The following SCN1A variants were observed in gnomAD, a reference collection of about 807,000 sequenced individuals.
SCN1A encodes the protein sodium voltage-gated channel alpha subunit 1.
A neutral mutation model predicts 193.7 loss-of-function variants in SCN1A; 13 were observed. The ratio of observed to expected loss-of-function variants is 0.07; its 90% CI spans 0.04 to 0.11. The LOEUF is 0.11. Ranked by LOEUF, SCN1A falls within the 10% of genes least tolerant of loss-of-function variation. SCN1A has a pLI of 1.00. For missense variants in SCN1A, 1,432 were observed against 2,451.1 expected (o/e 0.58, Z 8.78); for synonymous variants, 781 against 843.6 (o/e 0.93, Z 1.29).
chr2:166,051,289 A>C (rs1292897145), intron 9 of SCN1A, among the ~76,000 whole-genome samples: 2 of 152,078 alleles, frequency 1.3e-5, no homozygotes, highest in Admixed American at 1.3e-4. Context: ...TTCCAGAAAT[A>C]TAAATAATCT....
intron 1 of SCN1A, among the ~76,000 whole-genome samples, chr2:166,142,394 T>C (rs537071583): frequency 6.6e-6 from 1 of 152,328 alleles, no homozygotes; most frequent in East Asian, 1.9e-4. Flanking sequence ...AGTGTCAGTG[T>C]GGGAGGGTTG....
intron 25 of SCN1A, 143 bp downstream of exon 25, chr2:165,999,580 G>A (rs886760893): frequency 1.5e-6 from 1 of 682,718 alleles, no homozygotes; most frequent in Admixed American, 2.1e-5. Context: ...ACATTGCTAT[G>A]CTTGAATATT....
chr2:166,083,474 C>T (rs1411034861), intron 2 of SCN1A, among the ~76,000 whole-genome samples: 1 of 151,828 alleles, frequency 6.6e-6, no homozygotes, highest in Non-Finnish European at 1.5e-5. Flanking sequence ...AATCTACATA[C>T]AATACATAGA....
At chr2:166,029,450 A>G (rs1452181368) in intron 19 of SCN1A, among the ~76,000 whole-genome samples, 1 of 151,902 alleles carries the variant, frequency 6.6e-6, no homozygotes, top group Non-Finnish European at 1.5e-5. Flanking sequence ...TGGAGATAGT[A>G]CTCTTGGGTT....
rs794726778 is a variant in SCN1A, at chr2:166,043,878, G to C, written c.1834C>G (p.Arg612Gly). The change falls in exon 14 of 29, where the codon CGA becomes GGA. Residue 612 changes from arginine (R) to glycine (G), a missense_variant. By Grantham distance (125) the Arg-to-Gly change is moderately radical. Around this residue, in one of 18 missense-constraint regions of SCN1A, gnomAD observed 316 missense variants for 362.1 expected, o/e 0.87. Transcript: ENST00000674923. ...CTGTTGCGTCTCTCTCCGTGTCGTCGGGGCACAAACAAGGAATCTCTACGG... is the reference window on the plus strand; with the variant it reads ...CTGTTGCGTCTCTCTCCGTGTCGTCCGGGCACAAACAAGGAATCTCTACGG... ...ESRRDSLFVPRRHGERRNSNL... is the reference protein window; with the variant it reads ...ESRRDSLFVPGRHGERRNSNL... The C allele has an allele frequency of 6.2e-7, 1 of 1,613,968 alleles. No individual in the cohort carries two copies. Among genetic ancestry groups the C allele is most frequent in the East Asian group, 2.2e-5 (1 of 44,886 alleles).
chr2:166,101,500 AAAGTAT>A (rs1252721729), intron 2 of SCN1A, among the ~76,000 whole-genome samples: 2 of 47,044 alleles, frequency 4.3e-5, no homozygotes, highest in East Asian at 7.3e-4. Context: ...CCTAAAACTT[AAAGTAT>A]AATTAAAAAA....
At chr2:166,031,071 A>G (rs1695491342) in intron 19 of SCN1A, among the ~76,000 whole-genome samples, 1 of 152,140 alleles carries the variant, frequency 6.6e-6, no homozygotes, top group Non-Finnish European at 1.5e-5. Flanking sequence ...TTAAAAAACA[A>G]TTCCTCAAAT....
In SCN1A at chr2:166,047,705, G is replaced by A; in HGVS notation, c.1092C>T (p.Ser364=). 5 of 1,613,632 alleles carry A rather than the reference G, an allele frequency of 3.1e-6. No individual in the cohort carries two copies. The South Asian group carries it at 5.5e-5, about 18-fold the overall frequency. ...AGRNPNYGYT[S]FDTFSWAFLS... ...AAAAAGCCCAACTGAAGGTATCAAA[G>A]CTTGTGTAGCCATAATTGGGATTTC... The change falls in exon 11 of 29, where the codon AGC becomes AGT. Residue 364 remains serine, a synonymous_variant. Coordinates refer to ENST00000674923, the MANE Select transcript of SCN1A (RefSeq NM_001165963.4).
exon 1 of SCN1A, chr2:166,149,117 C>T (rs1339005296): frequency 1.3e-5 from 2 of 152,358 alleles, no homozygotes; most frequent in East Asian, 3.9e-4. Flanking sequence ...TCTGGAGGAA[C>T]AGTTCCATGA....
intron 26 of SCN1A, 137 bp from the exon 27 acceptor site, chr2:165,996,254 A>G: frequency 5.1e-6 from 3 of 587,876 alleles, no homozygotes; most frequent in Non-Finnish European, 9.0e-6. Context: ...GGGATTTAAA[A>G]TGTAAAAAAA....
Position 166,118,643 on chromosome 2 carries a change from A to G in SCN1A, c.-142+8281T>C, listed in dbSNP as rs117239412. Among the ~76,000 whole-genome samples, 73 of 152,184 alleles carry G rather than the reference A, an allele frequency of 4.8e-4. 2 individuals are homozygous for G. In the East Asian group the frequency reaches 0.012, roughly 25 times the overall value. Reference sequence around the variant, plus strand: ...GCCCAAAATACTACTGGCCTTTTTAAGTGGCATATCACATTCCAGGGTAAT... The same window carrying G: ...GCCCAAAATACTACTGGCCTTTTTAGGTGGCATATCACATTCCAGGGTAAT... On this transcript the variant is annotated intron_variant, in intron 2 of 28. Transcript: ENST00000674923.
chr2:166,073,252 A>C, intron 4 of SCN1A, 106 bp downstream of exon 4: 1 of 1,336,506 alleles, frequency 7.5e-7, no homozygotes, highest in South Asian at 1.3e-5. Context: ...CTTAAACAGA[A>C]GGATACTTAA....
chr2:166,055,976 G>A (rs745788516), intron 6 of SCN1A, among the ~76,000 whole-genome samples: 17 of 152,048 alleles, frequency 1.1e-4, no homozygotes, highest in Non-Finnish European at 2.5e-4. Context: ...CTGACATGAA[G>A]TGAATGTGCC....
At chr2:166,025,522 T>C (rs1460854906) in intron 19 of SCN1A, among the ~76,000 whole-genome samples, 1 of 152,202 alleles carries the variant, frequency 6.6e-6, no homozygotes, top group African/African-American at 2.4e-5. Context: ...CCACCCAGCA[T>C]CATCCCCCTT....
chr2:165,999,857 A>G (rs1690596793), intron 24 of SCN1A, 81 bp from the exon 25 acceptor site: 3 of 1,057,638 alleles, frequency 2.8e-6, no homozygotes, highest in South Asian at 2.5e-5. Flanking sequence ...TTACTGATAT[A>G]ATTTTCAAAA....
At chr2:165,999,355 A>G (rs1420885248) in intron 25 of SCN1A, among the ~76,000 whole-genome samples, 1 of 151,538 alleles carries the variant, frequency 6.6e-6, no homozygotes, top group Non-Finnish European at 1.5e-5. Context: ...GAGGGTGACT[A>G]TACATTTCAA....
intron 28 of SCN1A, 187 bp downstream of exon 28, chr2:165,993,959 A>G (rs1689643543): frequency 1.6e-6 from 1 of 606,542 alleles, no homozygotes; most frequent in African/African-American, 1.9e-5. Context: ...CTAAATGGAT[A>G]GAATAAGAAA....
intron 2 of SCN1A, among the ~76,000 whole-genome samples, chr2:166,111,819 C>A (rs1464009131): frequency 6.6e-6 from 1 of 151,898 alleles, no homozygotes. Context: ...TTGAGGGGTA[C>A]AAGATTCAGT....
chr2:166,045,037 C>G lies in SCN1A; in HGVS notation c.1662+6G>C. 6.2e-7 allele frequency: 1 copy of G among 1,613,992 alleles called. No individual in the cohort carries two copies. Among genetic ancestry groups the G allele is most frequent in the South Asian group, 1.1e-5 (1 of 91,074 alleles). ...CCATGCATCAGTAAACTCAGCAGTG[C>G]CATACCTGGTGTGGGGAGGAGTACC... On this transcript the variant is annotated splice_donor_region_variant and intron_variant, in intron 13 of 28. Transcript: ENST00000674923.
Sources: allele counts gnomAD v4.1 joint callset (sites outside exome capture counted in the v4.1 genomes callset), GRCh38; gene constraint gnomAD v4.1.1; regional missense constraint gnomAD v4.1.1; transcripts MANE v1.5; gene names NCBI Gene and HGNC (gene_info 2026-07-23, HGNC 2026-07-21).